Variants in TKFC observed in about 807,000 individuals in gnomAD.
The protein encoded by TKFC is triokinase/FMN cyclase.
In TKFC, 46 loss-of-function variants were observed where a neutral mutation model predicts 61.0. The observed-to-expected ratio is 0.75, with a 90% CI of 0.60 to 0.96. The LOEUF (loss-of-function observed/expected upper bound fraction) is 0.96. Ranked by LOEUF, TKFC falls within the 50% of genes least tolerant of loss-of-function variation. The pLI is 0.00. For missense variants in TKFC, 715 were observed against 777.5 expected, an observed-to-expected ratio of 0.92 and a Z score of 0.96; for synonymous variants, 314 against 330.1, an observed-to-expected ratio of 0.95 and a Z score of 0.53.
At chr11:61,337,871 G>A (rs767327264) in intron 2 of TKFC, 70 bp from the exon 3 acceptor site, 2 of 1,446,408 alleles carry the variant, frequency 1.4e-6, no homozygotes, top group South Asian at 1.4e-5. Context: ...CACCACAGCA[G>A]TGTGGCTGCG....
In TKFC at chr11:61,344,147, A is replaced by G; in HGVS notation, c.1114A>G (p.Lys372Glu). ...TCCTCCCTTTCTAGGCTCAGCCTCG[A>G]AGCGGATGGCGCTGGTGCTGGAACG... Reference protein sequence around the residue: ...DSTAAGGSASKRMALVLERVC... With the variant: ...DSTAAGGSASERMALVLERVC... The change falls in exon 13 of 18, where the codon AAG becomes GAG. Residue 372 changes from lysine (K) to glutamate (E), a missense_variant. Lys to Glu is a moderately conservative substitution (Grantham distance 56). Transcript: ENST00000394900. 1 of 1,612,230 alleles carries G rather than the reference A, an allele frequency of 6.2e-7. No homozygotes were observed. The highest frequency in any genetic ancestry group is 1.1e-5 in the South Asian group (1 of 91,006).
rs746890088 is a variant in TKFC at position 61,345,583 on chromosome 11, G to T, written c.1451+18G>T. ...ATGCAGAAGTGAGCCAGAGCCCTGT[G>T]CATCAGACCAGGGGTGGGCTGGGGG... On this transcript the variant is annotated intron_variant, in intron 15 of 17. Transcript: ENST00000394900. The T allele has an allele frequency of 1.2e-6, 2 of 1,612,160 alleles. No homozygotes were observed. The highest frequency in any genetic ancestry group is 2.7e-5 in the African/African-American group (2 of 74,932).
Position 61,343,931 on chromosome 11 carries a change from C to G in TKFC, c.1058C>G (p.Ala353Gly). The G allele has an allele frequency of 6.2e-7, 1 of 1,611,426 alleles. No homozygotes were observed. The highest frequency in any genetic ancestry group is 8.5e-7 in the Non-Finnish European group (1 of 1,179,992). The change falls in exon 12 of 18, where the codon GCC becomes GGC. Residue 353 changes from alanine to glycine, a missense_variant. By Grantham distance (60) the Ala-to-Gly change is moderately conservative (BLOSUM62 0). Coordinates refer to ENST00000394900, the MANE Select transcript of TKFC (RefSeq NM_015533.4). ...ACTGGGCGGAAGCGGAGCCGGGTAG[C>G]CCCTGCCGAGCCCCAGGAGGCCCCT... ...SITGRKRSRVAPAEPQEAPDS... is the reference protein window; with the variant it reads ...SITGRKRSRVGPAEPQEAPDS...
In TKFC at chr11:61,343,382, C is replaced by A; in HGVS notation, c.906C>A (p.Thr302=). 5 of 1,614,160 alleles carry A rather than the reference C, an allele frequency of 3.1e-6. No individual in the cohort carries two copies. Among genetic ancestry groups the A allele is most frequent in the Non-Finnish European group, 4.2e-6 (5 of 1,180,022 alleles). Residue 302 remains threonine, a synonymous_variant, in exon 11 of 18, where the codon ACC becomes ACA. Coordinates refer to ENST00000394900, the MANE Select transcript of TKFC (RefSeq NM_015533.4). Reference sequence around the variant, plus strand: ...AGATTGCCCGTGCCCTGGTGGGCACCTTCATGTCAGCACTGGAGATGCCTG... The same window carrying A: ...AGATTGCCCGTGCCCTGGTGGGCACATTCATGTCAGCACTGGAGATGCCTG... ...GVKIARALVG[T]FMSALEMPGI...
rs1341093464 is a variant in TKFC, at chr11:61,346,500, C to T, written c.1725C>T (p.Ser575=). Residue 575 remains serine, a synonymous_variant, in exon 18 of 18, where the codon AGC becomes AGT. Transcript: ENST00000394900. This position sits in a 1 kb window ranked among gnomAD's most constrained non-coding sequence, Gnocchi z 4.1. ...GGGCCATCTTGGAGGTCTTGCAGAG[C>T]TAGGGTGTGTGACTGCCTCCCTTGG... ...ILRAILEVLQ[S] 6.3e-7 allele frequency: 1 copy of T among 1,598,342 alleles called. No homozygotes were observed. Among genetic ancestry groups the T allele is most frequent in the Non-Finnish European group, 8.5e-7 (1 of 1,172,648 alleles).
At position 61,337,838 on chromosome 11, in the gene TKFC, G is replaced by A. The variant is rs751462844; in HGVS notation, c.4-103G>A. ...AAGTCCTGTGCTCCTGGAGTTCCTA[G>A]GTGGATGCGGGAGAGGGGTCTACAC... On this transcript the variant is annotated intron_variant, in intron 2 of 17. Transcript: ENST00000394900. 2.0e-4 allele frequency: 223 copies of A among 1,143,276 alleles called. 1 individual carries two copies. The highest frequency in any genetic ancestry group is 2.6e-4 in the Non-Finnish European group (215 of 825,778). The allele number at this position is 1,143,276 out of a possible 1,614,324, so 70.8% of individuals were successfully genotyped here.
rs948717343 is a variant in TKFC at position 61,343,456 on chromosome 11, T to C, written c.980T>C (p.Ile327Thr). 8.7e-6 allele frequency: 14 copies of C among 1,613,736 alleles called. No individual in the cohort carries two copies. The highest frequency in any genetic ancestry group is 1.2e-5 in the Non-Finnish European group (14 of 1,179,676). The change falls in exon 11 of 18, where the codon ATA (isoleucine) becomes ACA (threonine). Residue 327 changes from isoleucine to threonine, a missense_variant and splice_region_variant. Coordinates refer to ENST00000394900, the MANE Select transcript of TKFC (RefSeq NM_015533.4). ...LLVDEPLLKL[I>T]DAETTAAAWP... ...GTGGATGAGCCTCTCCTGAAACTGA[T>C]AGGTGAGACTTGGAACCTGGGGTCA...
Position 61,346,197 on chromosome 11 carries a change from T to G in TKFC, c.1576-154T>G. 6.6e-7 allele frequency: 1 copy of G among 1,508,028 alleles called. No homozygotes were observed. The highest frequency in any genetic ancestry group is 8.8e-7 in the Non-Finnish European group (1 of 1,132,326). 93.4% of individuals were successfully genotyped at this position (1,508,028 alleles called of 1,614,324 possible). ...TTCCCTGCTGGAAGTAGATGAGAAG[T>G]GACTTTCCATTTGGTGACAGAGCAG... On this transcript the variant is annotated intron_variant, in intron 17 of 17. Coordinates refer to ENST00000394900, the MANE Select transcript of TKFC (RefSeq NM_015533.4). The surrounding 1 kb of genome is among the most constrained non-coding windows in gnomAD (Gnocchi z 4.1).
At chr11:61,343,697 G>C (rs1856974468) in intron 11 of TKFC, 159 bp from the exon 12 acceptor site, 1 of 1,144,376 alleles carries the variant, frequency 8.7e-7, no homozygotes, top group South Asian at 1.5e-5. Context: ...CCATACCCCT[G>C]TATACAGTAG....
In TKFC at chr11:61,347,406, G is replaced by C; in HGVS notation, c.*903G>C. On this transcript the variant is annotated 3_prime_UTR_variant, in exon 18 of 18. Transcript: ENST00000394900. The stretch of plus-strand genomic sequence containing the variant: ...AAAAATACAAAATTAGCCAGGCATA[G>C]TAGTGTGTGCCTATAGTCCTAACTT... 2.3e-6 allele frequency: 2 copies of C among 858,934 alleles called. No individual in the cohort carries two copies. Among genetic ancestry groups the C allele is most frequent in the Non-Finnish European group, 2.8e-6 (2 of 714,670 alleles). 53.2% of individuals were successfully genotyped at this position (858,934 alleles called of 1,614,324 possible).
At position 61,344,672 on chromosome 11, in the gene TKFC, CCTT is replaced by C. The variant is rs1396216178; in HGVS notation, c.1240+403_1240+405del. ...AGCCACCACACCCGGCCGACAGGGA[CCTT>C]CTTAACACCACAAATGTATGAGGTT... On this transcript the variant is annotated intron_variant, in intron 13 of 17. Transcript: ENST00000394900. Among the ~76,000 whole-genome samples, 4 of 152,148 alleles carry C rather than the reference CCTT, an allele frequency of 2.6e-5. No individual in the cohort carries two copies. The East Asian group carries it at 7.7e-4, about 29-fold the overall frequency.
rs768295226 is a variant in TKFC at position 61,346,151 on chromosome 11, C to T, written c.1576-200C>T. The T allele has an allele frequency of 3.7e-5, 49 of 1,308,572 alleles. No individual in the cohort carries two copies. Among genetic ancestry groups the T allele is most frequent in the Non-Finnish European group, 4.9e-5 (48 of 972,510 alleles). The allele number at this position is 1,308,572 out of a possible 1,614,324, so 81.1% of individuals were successfully genotyped here. Reference sequence around the variant, plus strand: ...GCACACTGCCTGGGATGTGACAGGGCCTCAGTGAATGGTGACCCTTTTCCC... The same window carrying T: ...GCACACTGCCTGGGATGTGACAGGGTCTCAGTGAATGGTGACCCTTTTCCC... On this transcript the variant is annotated intron_variant, in intron 17 of 17. Transcript: ENST00000394900. The surrounding 1 kb of genome is among the most constrained non-coding windows in gnomAD (Gnocchi z 4.1).
chr11:61,343,120 C>T, intron 10 of TKFC: 1 of 610,874 alleles, frequency 1.6e-6, no homozygotes, highest in South Asian at 2.0e-5. Context: ...CTGGCACGAA[C>T]TGAGTAAATG....
At chr11:61,350,964 C>A, downstream of TKFC, 1 of 1,604,032 alleles carries the variant, frequency 6.2e-7, no homozygotes, top group Non-Finnish European at 8.5e-7. Context: ...CCTGTCCCAC[C>A]CTGGAATGTG....
intron 13 of TKFC, 134 bp from the exon 14 acceptor site, chr11:61,345,126 A>G: frequency 1.4e-6 from 1 of 737,808 alleles, no homozygotes; most frequent in Non-Finnish European, 2.2e-6. Context: ...TGCACACTGG[A>G]TGTGGAAAGG....
intron 2 of TKFC, among the ~76,000 whole-genome samples, chr11:61,337,236 C>T (rs1856645350): frequency 6.6e-6 from 1 of 152,176 alleles, no homozygotes; most frequent in Non-Finnish European, 1.5e-5. Context: ...GCCATGACCT[C>T]CCAGGTTCAA....
intron 14 of TKFC, 38 bp downstream of exon 14, chr11:61,345,404 G>T: frequency 5.0e-6 from 8 of 1,597,248 alleles, no homozygotes; most frequent in Non-Finnish European, 6.9e-6. Context: ...CAGGGAGGTG[G>T]CTGGGCTGGC....
chr11:61,351,089 T>C (rs776277617), downstream of TKFC: 1 of 1,613,930 alleles, frequency 6.2e-7, no homozygotes, highest in South Asian at 1.1e-5. Flanking sequence ...AGCATCCCGG[T>C]GCTGTTGGCA....
intron 2 of TKFC, 46 bp from the exon 3 acceptor site, chr11:61,337,895 T>TC (rs1329694891): frequency 6.5e-7 from 1 of 1,539,782 alleles, no homozygotes; most frequent in East Asian, 2.3e-5. Flanking sequence ...GATGGGGGTA[T>TC]CTGTACTGAC....
Sources: allele counts gnomAD v4.1 joint callset (sites outside exome capture counted in the v4.1 genomes callset), GRCh38; gene constraint gnomAD v4.1.1; non-coding constraint Gnocchi (gnomAD v3.1); transcripts MANE v1.5; gene names NCBI Gene and HGNC (gene_info 2026-07-23, HGNC 2026-07-21).